CAPSL: variants seen among roughly 807,000 people sequenced by gnomAD.
CAPSL encodes the protein calcyphosine like, also known as calcyphosin-like protein.
Under a neutral mutation model 21.3 loss-of-function variants are expected in CAPSL, and 17 were observed. The observed-to-expected ratio is 0.80, with a 90% CI of 0.55 to 1.20. The LOEUF (loss-of-function observed/expected upper bound fraction) is 1.20. Ranked by LOEUF, CAPSL falls within the 50% of genes most tolerant of loss-of-function variation. The pLI is 0.00. For synonymous variants in CAPSL, 102 were observed against 89.3 expected (o/e 1.14, Z -0.80); for missense variants, 289 against 259.3 (o/e 1.11, Z -0.79).
intron 3 of CAPSL, 127 bp from the exon 4 acceptor site, chr5:35,910,202 G>A: frequency 9.3e-7 from 1 of 1,075,942 alleles, no homozygotes; most frequent in South Asian, 1.6e-5. Context: ...TTATGTAATA[G>A]ACACTACAAT....
At chr5:35,938,147 G>C (rs1390603187) in intron 1 of CAPSL, among the ~76,000 whole-genome samples, 1 of 152,192 alleles carries the variant, frequency 6.6e-6, no homozygotes, top group Non-Finnish European at 1.5e-5. Flanking sequence ...TTATTGCTTT[G>C]TGACTTGGAA....
intron 1 of CAPSL, among the ~76,000 whole-genome samples, chr5:35,935,337 T>C (rs1738917599): frequency 2.3e-5 from 3 of 132,386 alleles, no homozygotes; most frequent in Admixed American, 2.2e-4. Context: ...CCAAACTTCT[T>C]TTTTTTTTTT....
chr5:35,912,434 G>A (rs533514908), intron 2 of CAPSL, among the ~76,000 whole-genome samples: 5 of 152,178 alleles, frequency 3.3e-5, no homozygotes, highest in Non-Finnish European at 5.9e-5. Flanking sequence ...CCTGACCCCC[G>A]AGTAGCCTAA....
chr5:35,921,455 T>C (rs368101170), intron 1 of CAPSL, among the ~76,000 whole-genome samples: 26 of 152,194 alleles, frequency 1.7e-4, no homozygotes, highest in African/African-American at 6.0e-4. Context: ...TTATATACCA[T>C]ATTATTTTAT....
At chr5:35,924,951 C>CA (rs1738633557) in intron 1 of CAPSL, among the ~76,000 whole-genome samples, 1 of 152,224 alleles carries the variant, frequency 6.6e-6, no homozygotes, top group Non-Finnish European at 1.5e-5. Context: ...TCACCGACTT[C>CA]ATAGCAGTGC....
intron 1 of CAPSL, 68 bp from the exon 2 acceptor site, chr5:35,921,188 C>T: frequency 6.5e-7 from 1 of 1,546,342 alleles, no homozygotes; most frequent in Non-Finnish European, 8.7e-7. Flanking sequence ...GGCAGAGTGA[C>T]AGAAGCCTCA....
At chr5:35,912,956 T>A (rs896478824) in intron 2 of CAPSL, among the ~76,000 whole-genome samples, 1 of 151,916 alleles carries the variant, frequency 6.6e-6, no homozygotes, top group Non-Finnish European at 1.5e-5. Context: ...GTTAAAAACC[T>A]TGAAAAAAAA....
intron 1 of CAPSL, among the ~76,000 whole-genome samples, chr5:35,932,397 A>G (rs984074111): frequency 6.6e-6 from 1 of 152,192 alleles, no homozygotes; most frequent in African/African-American, 2.4e-5. Context: ...TCCAGCTATT[A>G]TCTCCACACT....
Position 35,920,971 on chromosome 5 carries a change from A to C in CAPSL, c.137+13T>G. 1 of 1,612,890 alleles carries C rather than the reference A, an allele frequency of 6.2e-7. No homozygotes were observed. On this transcript the variant is annotated intron_variant, in intron 2 of 4. Transcript: ENST00000651391. ...TCCCGCTCCATTCCCTGCCACTTGT[A>C]GCTGGGTCCTACCTGCCAAGTCCTT...
chr5:35,906,098 G>A (rs1321601315), intron 4 of CAPSL, among the ~76,000 whole-genome samples: 3 of 152,162 alleles, frequency 2.0e-5, no homozygotes, highest in Admixed American at 6.5e-5. Context: ...AGTTACCCAC[G>A]AGACCCTGAG....
chr5:35,920,103 A>G (rs936742532), intron 2 of CAPSL, among the ~76,000 whole-genome samples: 13 of 152,172 alleles, frequency 8.5e-5, no homozygotes, highest in African/African-American at 3.1e-4. Flanking sequence ...AGCTGGGCTT[A>G]GTCTGAGACT....
At chr5:35,908,179 A>G (rs1738082260) in intron 4 of CAPSL, among the ~76,000 whole-genome samples, 1 of 152,190 alleles carries the variant, frequency 6.6e-6, no homozygotes, top group East Asian at 1.9e-4. Flanking sequence ...CGTGAGTGTA[A>G]GAGTCATCTG....
chr5:35,909,930 C>A lies in CAPSL; in HGVS notation c.461G>T (p.Ser154Ile). The A allele has an allele frequency of 6.2e-7, 1 of 1,613,884 alleles. No homozygotes were observed. The change falls in exon 4 of 5, where the codon AGT becomes ATT. Residue 154 changes from serine (S) to isoleucine (I), a missense_variant. Transcript: ENST00000651391. ...AAATTTCCTAAATACTTGTTCCTCACTCCATTCCCCATTCTGGTACTTTGG... is the reference window on the plus strand; with the variant it reads ...AAATTTCCTAAATACTTGTTCCTCAATCCATTCCCCATTCTGGTACTTTGG... ...HHPKYQNGEWSEEQVFRKFLD... is the reference protein window; with the variant it reads ...HHPKYQNGEWIEEQVFRKFLD...
intron 2 of CAPSL, among the ~76,000 whole-genome samples, chr5:35,912,655 T>G (rs1353916711): frequency 6.6e-6 from 1 of 152,246 alleles, no homozygotes; most frequent in Non-Finnish European, 1.5e-5. Flanking sequence ...GGTTCCTGAC[T>G]GTTAGAAGGA....
intron 2 of CAPSL, among the ~76,000 whole-genome samples, chr5:35,913,813 T>A (rs1331162153): frequency 6.6e-6 from 1 of 152,040 alleles, no homozygotes; most frequent in Non-Finnish European, 1.5e-5. Context: ...ATGAGCAAAA[T>A]AACCAGCTAA....
intron 1 of CAPSL, among the ~76,000 whole-genome samples, chr5:35,935,708 T>C (rs1343715931): frequency 6.6e-6 from 1 of 152,022 alleles, no homozygotes; most frequent in African/African-American, 2.4e-5. Context: ...TCTGACCTTA[T>C]GGTACCTCCA....
Position 35,918,978 on chromosome 5 carries a change from T to C in CAPSL, c.137+2006A>G, listed in dbSNP as rs576672778. 3.3e-3 allele frequency among the ~76,000 whole-genome samples: 507 copies of C among 151,922 alleles called. 6 individuals are homozygous for C. Among genetic ancestry groups the C allele is most frequent in the Non-Finnish European group, 2.0e-3 (137 of 67,976 alleles). ...AGTCAATATGGTGGGCTAATGAAGA[T>C]AATTCTAAAGTTTTCAACCCAAAGA... On this transcript the variant is annotated intron_variant, in intron 2 of 4. Transcript: ENST00000651391.
At chr5:35,928,811 T>A (rs1738748404) in intron 1 of CAPSL, among the ~76,000 whole-genome samples, 1 of 152,146 alleles carries the variant, frequency 6.6e-6, no homozygotes, top group South Asian at 2.1e-4. Flanking sequence ...AGTGCTGAAG[T>A]TGAGAAGCCC....
chr5:35,936,400 C>T (rs1330577193), intron 1 of CAPSL, among the ~76,000 whole-genome samples: 2 of 152,156 alleles, frequency 1.3e-5, no homozygotes, highest in Non-Finnish European at 2.9e-5. Context: ...TGGACTCCCT[C>T]TAGCTATCAC....
Sources: allele counts gnomAD v4.1 joint callset (sites outside exome capture counted in the v4.1 genomes callset), GRCh38; gene constraint gnomAD v4.1.1; transcripts MANE v1.5; gene names NCBI Gene and HGNC (gene_info 2026-07-23, HGNC 2026-07-21).